GABRA4: variants seen among roughly 807,000 people sequenced by gnomAD.
GABRA4 encodes gamma-aminobutyric acid type A receptor subunit alpha4.
GABRA4 carries 12 observed loss-of-function variants against 49.7 expected under a neutral mutation model. The observed-to-expected ratio is 0.24, with a 90% CI of 0.15 to 0.39. The LOEUF (loss-of-function observed/expected upper bound fraction) is 0.39. Among genes scored for constraint, GABRA4 ranks in the 10% least tolerant of loss-of-function variants. The pLI is 1.00. For synonymous variants in GABRA4, 288 were observed against 240.2 expected (o/e 1.20, Z -1.84); for missense variants, 506 against 686.0 (o/e 0.74, Z 2.93).
rs1721219801 is a variant in GABRA4 at position 46,926,080 on chromosome 4, C to T, written c.*2145G>A. 6.6e-6 allele frequency: 1 copy of T among 150,616 alleles called. No individual in the cohort carries two copies. Among genetic ancestry groups the T allele is most frequent in the African/African-American group, 2.4e-5 (1 of 41,046 alleles). 9.3% of individuals were successfully genotyped at this position (150,616 alleles called of 1,614,324 possible). On this transcript the variant is annotated 3_prime_UTR_variant, in exon 9 of 9. Transcript: ENST00000264318. ...AGTAAGAGTTCCTCACCAAAAACAACAACAACAACAACAACAACAACAACA... is the reference window on the plus strand; with the variant it reads ...AGTAAGAGTTCCTCACCAAAAACAATAACAACAACAACAACAACAACAACA...
intron 8 of GABRA4, among the ~76,000 whole-genome samples, chr4:46,932,356 C>T (rs1020488010): frequency 6.6e-6 from 1 of 152,244 alleles, no homozygotes; most frequent in East Asian, 1.9e-4. Flanking sequence ...CAGCAAGTTA[C>T]TTACTTGGTG....
In GABRA4 at chr4:46,928,456, C is replaced by T; in HGVS notation, c.1434G>A (p.Val478=). ...ASVGSASTRH[V]FGSRLQRIKT... ...TTATCCTCTGCAGTCTTGATCCAAA[C>T]ACGTGACGAGTAGAAGCAGATCCAA... Residue 478 remains valine (V), a synonymous_variant, in exon 9 of 9, where the codon GTG becomes GTA. Coordinates refer to ENST00000264318, the MANE Select transcript of GABRA4 (RefSeq NM_000809.4). 1.2e-6 allele frequency: 2 copies of T among 1,613,686 alleles called. No homozygotes were observed. Among genetic ancestry groups the T allele is most frequent in the Non-Finnish European group, 1.7e-6 (2 of 1,179,728 alleles).
intron 8 of GABRA4, among the ~76,000 whole-genome samples, chr4:46,951,206 A>G (rs1481645999): frequency 3.3e-5 from 5 of 151,826 alleles, no homozygotes; most frequent in Admixed American, 6.6e-5. Context: ...TCAAAAAGCT[A>G]ATTAACAATG....
At chr4:46,931,537 C>G (rs1721437049) in intron 8 of GABRA4, among the ~76,000 whole-genome samples, 2 of 152,116 alleles carry the variant, frequency 1.3e-5, no homozygotes, top group Non-Finnish European at 2.9e-5. Context: ...CATCATTTCT[C>G]TTTATATTCC....
chr4:46,991,453 G>A (rs766388466), intron 2 of GABRA4, among the ~76,000 whole-genome samples: 3 of 152,064 alleles, frequency 2.0e-5, no homozygotes, highest in Non-Finnish European at 2.9e-5. Flanking sequence ...TCAAGTGAAG[G>A]CTAGAAAGAG....
At chr4:46,986,913 C>G (rs763788610) in intron 2 of GABRA4, among the ~76,000 whole-genome samples, 1 of 152,076 alleles carries the variant, frequency 6.6e-6, no homozygotes, top group Non-Finnish European at 1.5e-5. Flanking sequence ...CAGAAGCCAA[C>G]CATTTCTTAT....
intron 2 of GABRA4, among the ~76,000 whole-genome samples, chr4:46,988,732 T>C (rs1723631026): frequency 6.6e-6 from 1 of 152,220 alleles, no homozygotes; most frequent in African/African-American, 2.4e-5. Context: ...TTTAAGGTCC[T>C]ACTTAACTTA....
intron 2 of GABRA4, among the ~76,000 whole-genome samples, chr4:46,991,478 C>A (rs1723742016): frequency 6.6e-6 from 1 of 152,166 alleles, no homozygotes; most frequent in Non-Finnish European, 1.5e-5. Flanking sequence ...TAGCCCCAGG[C>A]CATACTCCTA....
chr4:46,970,059 T>C (rs1722896369), intron 7 of GABRA4, among the ~76,000 whole-genome samples: 1 of 151,278 alleles, frequency 6.6e-6, no homozygotes, highest in Non-Finnish European at 1.5e-5. Context: ...AAACCTAAGA[T>C]TAAAGGGAGG....
chr4:46,939,669 T>A (rs1721726741), intron 8 of GABRA4, among the ~76,000 whole-genome samples: 1 of 152,030 alleles, frequency 6.6e-6, no homozygotes. Flanking sequence ...ATCTGAAATT[T>A]GTCCACAATA....
chr4:46,936,580 A>G (rs1225121514), intron 8 of GABRA4, among the ~76,000 whole-genome samples: 1 of 152,166 alleles, frequency 6.6e-6, no homozygotes, highest in Non-Finnish European at 1.5e-5. Flanking sequence ...GACTTTACCA[A>G]CTATCAGTAA....
chr4:46,977,186 G>T, intron 4 of GABRA4, 43 bp from the exon 5 acceptor site: 2 of 1,269,522 alleles, frequency 1.6e-6, no homozygotes, highest in Non-Finnish European at 1.1e-6. Context: ...CCCTTTTAAA[G>T]AATAATTGTG....
At chr4:46,943,921 C>G (rs542294072) in intron 8 of GABRA4, among the ~76,000 whole-genome samples, 48 of 152,158 alleles carry the variant, frequency 3.2e-4, no homozygotes, top group African/African-American at 1.1e-3. Context: ...AAATAGCATA[C>G]ATTGTACCCA....
intron 1 of GABRA4, among the ~76,000 whole-genome samples, 168 bp from the exon 2 acceptor site, chr4:46,993,114 C>T (rs185523652): frequency 3.2e-4 from 48 of 152,234 alleles, no homozygotes; most frequent in Middle Eastern, 6.8e-3. Flanking sequence ...AGGAAAAGCG[C>T]GCCCCGCCGC....
intron 1 of GABRA4, 99 bp downstream of exon 1, chr4:46,993,240 C>A: frequency 9.8e-7 from 1 of 1,019,014 alleles, no homozygotes; most frequent in Non-Finnish European, 1.6e-6. Context: ...GATAAGAAGA[C>A]CTAGTCCACC....
chr4:46,965,019 A>G lies in GABRA4; in HGVS notation c.1085T>C (p.Val362Ala), dbSNP rs772041711. The G allele has an allele frequency of 1.9e-6, 3 of 1,611,832 alleles. No individual in the cohort carries two copies. The East Asian group carries it at 6.7e-5, about 36-fold the overall frequency. ...KRKTSKPPQE[V>A]PAAPVQREKH... ...CTCTCTCTGCACTGGAGCAGCGGGAACTTCCTGAGGGGGCTTTGATGTCTT... is the reference window on the plus strand; with the variant it reads ...CTCTCTCTGCACTGGAGCAGCGGGAGCTTCCTGAGGGGGCTTTGATGTCTT... Residue 362 changes from valine to alanine, a missense_variant, in exon 8 of 9, where the codon GTT (valine) becomes GCT (alanine). Around this residue, in one of 5 missense-constraint regions of GABRA4, gnomAD observed 243 missense variants for 210.8 expected, o/e 1.15. Transcript: ENST00000264318.
chr4:46,990,553 T>C (rs992459858), intron 2 of GABRA4, among the ~76,000 whole-genome samples: 10 of 152,248 alleles, frequency 6.6e-5, no homozygotes, highest in African/African-American at 2.2e-4. Context: ...ATTTATGTTT[T>C]GGTATATCAA....
rs1033708248 is a variant in GABRA4 at position 46,988,095 on chromosome 4, T to G, written c.205+4733A>C. Among the ~76,000 whole-genome samples the G allele has an allele frequency of 3.3e-5, 5 of 152,200 alleles. No homozygotes were observed. The East Asian group carries it at 9.6e-4, about 29-fold the overall frequency. On this transcript the variant is annotated intron_variant, in intron 2 of 8. Transcript: ENST00000264318. ...TTGCACTTAATTGCTTTGTTCTCTC[T>G]GAGAATTACTTTTCTCTTACTCTTT...
intron 6 of GABRA4, among the ~76,000 whole-genome samples, chr4:46,973,928 A>G (rs1428278993): frequency 6.6e-6 from 1 of 151,876 alleles, no homozygotes; most frequent in Non-Finnish European, 1.5e-5. Context: ...AAGACAAAAA[A>G]CAAGATCAGA....
Sources: allele counts gnomAD v4.1 joint callset (sites outside exome capture counted in the v4.1 genomes callset), GRCh38; gene constraint gnomAD v4.1.1; regional missense constraint gnomAD v4.1.1; transcripts MANE v1.5; gene names NCBI Gene and HGNC (gene_info 2026-07-23, HGNC 2026-07-21).